The following GRIA3 variants were observed in gnomAD, a reference collection of about 807,000 sequenced individuals.
GRIA3 encodes the protein glutamate receptor 3.
In GRIA3, 3 loss-of-function variants were observed where a neutral mutation model predicts 63.0. The ratio of observed to expected loss-of-function variants is 0.05; its 90% confidence interval spans 0.02 to 0.12. The LOEUF (loss-of-function observed/expected upper bound fraction) is 0.12, where lower values mean the gene tolerates loss of function less well. Among genes scored for constraint, GRIA3 ranks in the 10% least tolerant of loss-of-function variants. GRIA3 has a pLI of 1.00. For missense variants in GRIA3, 347 were observed against 700.9 expected (o/e 0.50, Z 5.70); for synonymous variants, 274 against 257.9 (o/e 1.06, Z -0.60).
intron 3 of GRIA3, among the ~76,000 whole-genome samples, chrX:123,293,547 T>A (rs1225326385): frequency 9.1e-6 from 1 of 109,486 alleles, no homozygotes; most frequent in Non-Finnish European, 1.9e-5. Flanking sequence ...CATCTCTATA[T>A]ATGAGTCATT....
chrX:123,417,827 C>T, intron 11 of GRIA3, 49 bp downstream of exon 11: 1 of 1,069,927 alleles, frequency 9.3e-7, no homozygotes, highest in African/African-American at 1.8e-5. Context: ...TATGGTCATA[C>T]TCCATTCATG....
Position 123,392,548 on chromosome X carries a change from C to G in GRIA3, c.751-2420C>G, listed in dbSNP as rs991653428. Among the ~76,000 whole-genome samples the G allele has an allele frequency of 9.0e-5, 10 of 111,537 alleles. No homozygotes were observed. The East Asian group carries it at 2.9e-3, about 32-fold the overall frequency. ...AAAGCCCATGTGGGTTGAGGGCTCT[C>G]CCAGGGCTAGGATTGCAGGAGTCCA... On this transcript the variant is annotated intron_variant, in intron 5 of 15. Transcript: ENST00000620443.
intron 2 of GRIA3, among the ~76,000 whole-genome samples, chrX:123,186,947 T>C (rs961476042): frequency 8.9e-6 from 1 of 112,126 alleles, no homozygotes; most frequent in African/African-American, 3.2e-5. Flanking sequence ...CTGTTGGACA[T>C]ATGGTTTTAC....
chrX:123,277,739 A>G (rs1039620524), intron 3 of GRIA3, among the ~76,000 whole-genome samples: 84 of 112,157 alleles, frequency 7.5e-4, no homozygotes, highest in Middle Eastern at 4.6e-3. Context: ...TCACAGTTCT[A>G]TGTCGTGTTG....
intron 10 of GRIA3, among the ~76,000 whole-genome samples, chrX:123,412,933 A>AG: frequency 9.0e-6 from 1 of 111,221 alleles, no homozygotes; most frequent in East Asian, 2.8e-4. Flanking sequence ...GAAAAAAAAA[A>AG]TACAGAAATG....
chrX:123,184,879 G>C (rs979139257), intron 1 of GRIA3: 3 of 489,701 alleles, frequency 6.1e-6, no homozygotes, highest in Non-Finnish European at 1.1e-5. Context: ...TGGGGCTAGT[G>C]GGGGTGAACT....
chrX:123,318,249 C>T (rs1302289637), intron 3 of GRIA3, among the ~76,000 whole-genome samples: 2 of 110,593 alleles, frequency 1.8e-5, no homozygotes, highest in Admixed American at 9.4e-5. Context: ...AGGTCTCTGA[C>T]ATGGCCTGGA....
intron 12 of GRIA3, among the ~76,000 whole-genome samples, chrX:123,455,687 A>C (rs1442286915): frequency 1.8e-5 from 2 of 111,933 alleles, no homozygotes; most frequent in African/African-American, 6.5e-5. Flanking sequence ...TTTGGAGTTA[A>C]TTTACAATTT....
At chrX:123,402,954 C>A in intron 7 of GRIA3, 40 bp from the exon 8 acceptor site, 1 of 727,889 alleles carries the variant, frequency 1.4e-6, no homozygotes, top group Non-Finnish European at 2.2e-6. Flanking sequence ...GGCAATAATG[C>A]CGTGCTATTT....
In GRIA3 at chrX:123,395,030, G is replaced by C. The variant is rs756316953; in HGVS notation, c.813G>C (p.Gln271His). 18 of 1,193,948 alleles carry C rather than the reference G, an allele frequency of 1.5e-5. No individual in the cohort carries two copies. In the South Asian group the frequency reaches 2.3e-4, roughly 15 times the overall value. The change falls in exon 6 of 16, where the codon CAG (glutamine) becomes CAC (histidine). Residue 271 changes from glutamine (Q) to histidine (H), a missense_variant. Physicochemically the swap from Gln to His is conservative, Grantham distance 24. Coordinates refer to ENST00000620443, the MANE Select transcript of GRIA3 (RefSeq NM_007325.5). ...MHGGANITGF[Q>H]IVNNENPMVQ... ...GGGGAGCCAACATTACAGGTTTCCA[G>C]ATTGTCAACAATGAAAACCCTATGG...
At chrX:123,432,107 T>C (rs1202816932) in intron 12 of GRIA3, among the ~76,000 whole-genome samples, 1 of 111,970 alleles carries the variant, frequency 8.9e-6, no homozygotes, top group Middle Eastern at 4.2e-3. Flanking sequence ...TTTTAAAATG[T>C]TTTTAAATAT....
chrX:123,425,498 A>G (rs1569434627), intron 11 of GRIA3, among the ~76,000 whole-genome samples: 2 of 112,211 alleles, frequency 1.8e-5, no homozygotes, highest in Non-Finnish European at 3.8e-5. Context: ...TTAATCTTTT[A>G]TATAGCAAAA....
chrX:123,225,283 A>C (rs957874157), intron 2 of GRIA3, among the ~76,000 whole-genome samples: 3 of 112,198 alleles, frequency 2.7e-5, no homozygotes, highest in African/African-American at 9.7e-5. Flanking sequence ...ATAAACACTC[A>C]ACAAATGTTA....
chrX:123,305,658 G>A (rs950785174), intron 3 of GRIA3, among the ~76,000 whole-genome samples: 33 of 112,040 alleles, frequency 2.9e-4, no homozygotes, highest in South Asian at 3.7e-4. Flanking sequence ...AGCATGGAGA[G>A]AGTGGAAAGT....
chrX:123,343,408 A>G (rs1303418196), intron 4 of GRIA3, among the ~76,000 whole-genome samples: 2 of 111,549 alleles, frequency 1.8e-5, no homozygotes, highest in East Asian at 5.6e-4. Context: ...TTCAGTGCCC[A>G]TCCTTTCAGT....
intron 12 of GRIA3, among the ~76,000 whole-genome samples, chrX:123,462,010 A>C (rs2045795511): frequency 9.0e-6 from 1 of 111,540 alleles, no homozygotes; most frequent in Admixed American, 9.5e-5. Context: ...TAATCTGAAA[A>C]TGTCTACAGG....
At chrX:123,378,849 G>C (rs982171203) in intron 5 of GRIA3, among the ~76,000 whole-genome samples, 4 of 111,484 alleles carry the variant, frequency 3.6e-5, no homozygotes, top group Non-Finnish European at 7.5e-5. Context: ...GCCAGAACTT[G>C]TATCCCAACT....
chrX:123,270,604 GC>G (rs2044515412), intron 3 of GRIA3, among the ~76,000 whole-genome samples: 1 of 111,984 alleles, frequency 8.9e-6, no homozygotes, highest in African/African-American at 3.2e-5. Context: ...TTTCTTTCTG[GC>G]TTTTCTAAGG....
At chrX:123,423,599 GA>G (rs1255228877) in intron 11 of GRIA3, among the ~76,000 whole-genome samples, 2 of 111,943 alleles carry the variant, frequency 1.8e-5, no homozygotes, top group African/African-American at 6.5e-5. Context: ...AAGACTGTAA[GA>G]ACCAAAGATT....
Sources: gnomAD v4.1 joint callset for allele counts (sites outside exome capture counted in the v4.1 genomes callset) on GRCh38, gnomAD v4.1.1 for gene constraint, MANE v1.5 for transcripts, NCBI Gene and HGNC (gene_info 2026-07-23, HGNC 2026-07-21) for gene names.